Variants in CAST observed in about 807,000 individuals in gnomAD.
CAST encodes the protein calpastatin.
A neutral mutation model predicts 119.6 loss-of-function variants in CAST; 76 were observed. The ratio of observed to expected loss-of-function variants is 0.64; its 90% CI spans 0.53 to 0.77. The LOEUF (loss-of-function observed/expected upper bound fraction) is 0.77. Among genes scored for constraint, CAST ranks in the 30% least tolerant of loss-of-function variants. CAST has a pLI of 0.00. For synonymous variants in CAST, 319 were observed against 331.6 expected, an observed-to-expected ratio of 0.96 and a Z score of 0.41; for missense variants, 953 against 946.5, an observed-to-expected ratio of 1.01 and a Z score of -0.09.
chr5:96,183,579 A>AT, the CAST span, among the ~76,000 whole-genome samples: 19 of 151,614 alleles, frequency 1.3e-4, no homozygotes, highest in Admixed American at 7.9e-4. Context: ...ATTATCTTTG[A>AT]TTTTTTTTTC....
At position 96,554,534 on chromosome 5, in the gene CAST, CA is replaced by C. The variant is rs1746195833; in HGVS notation, c.60+24658del. Among the ~76,000 whole-genome samples, 4 of 152,272 alleles carry C rather than the reference CA, an allele frequency of 2.6e-5. No individual in the cohort carries two copies. In the South Asian group the frequency reaches 8.3e-4, roughly 32 times the overall value. ...TCTAAAACACCAAAAGCAATGACAACAAAAGCCAAAATTGACAAATTGGATC... is the reference window on the plus strand; with the variant it reads ...TCTAAAACACCAAAAGCAATGACAACAAAGCCAAAATTGACAAATTGGATC... On this transcript the variant is annotated intron_variant, in intron 1 of 11. Transcript: ENST00000505143.
the CAST span, among the ~76,000 whole-genome samples, chr5:96,339,218 A>G: frequency 1.3e-5 from 2 of 152,200 alleles, no homozygotes; most frequent in African/African-American, 4.8e-5. Flanking sequence ...GCTTTTGATA[A>G]CATGCTACCA....
At chr5:96,529,776 G>A, upstream of CAST, 1 of 436,774 alleles carries the variant, frequency 2.3e-6, no homozygotes, top group Non-Finnish European at 4.6e-6. Context: ...TTTTATGAGG[G>A]GCTTCCCCTT....
At chr5:96,539,163 C>T (rs1370613291) in intron 1 of CAST, among the ~76,000 whole-genome samples, 2 of 152,136 alleles carry the variant, frequency 1.3e-5, no homozygotes, top group Non-Finnish European at 2.9e-5. Flanking sequence ...GCAGAACTGA[C>T]TCATAGTGTT....
Position 96,737,699 on chromosome 5 carries a change from A to G in CAST, c.700-150A>G, listed in dbSNP as rs1248106189. 4 of 525,324 alleles carry G rather than the reference A, an allele frequency of 7.6e-6. No homozygotes were observed. The Admixed American group carries it at 1.4e-4, about 18-fold the overall frequency. 32.5% of individuals were successfully genotyped at this position (525,324 alleles called of 1,614,324 possible). On this transcript the variant is annotated intron_variant, in intron 10 of 31. Coordinates refer to ENST00000675179, the MANE Select transcript of CAST (RefSeq NM_001750.7). Reference sequence around the variant, plus strand: ...TGAGACTTAAATAGTAAAGTCTGTTAAAGACCAGATTTTAACTATTTTGGG... The same window carrying G: ...TGAGACTTAAATAGTAAAGTCTGTTGAAGACCAGATTTTAACTATTTTGGG...
the CAST span, among the ~76,000 whole-genome samples, chr5:96,366,845 A>G: frequency 0.068 from 10,286 of 152,284 alleles, 441 homozygotes; most frequent in Non-Finnish European, 0.099. Context: ...GTCATTCTCC[A>G]TCCAGCTTTG....
At chr5:96,454,143 T>C in the CAST span, among the ~76,000 whole-genome samples, 1 of 152,198 alleles carries the variant, frequency 6.6e-6, no homozygotes, top group African/African-American at 2.4e-5. Context: ...TTGTAGCCTA[T>C]CTATGTGTTG....
chr5:96,766,111 C>T lies in CAST; in HGVS notation c.2096C>T (p.Pro699Leu). The change falls in exon 27 of 32, where the codon CCT becomes CTT. Residue 699 changes from proline to leucine, a missense_variant. Pro to Leu is a moderately conservative substitution (Grantham distance 98). Transcript: ENST00000675179. ...GGAGAAAGAGATGACACTATCCCAC[C>T]TGAATACAGACATCTCCTGGATGAT... ...KLGERDDTIP[P>L]EYRHLLDDNG... 6.2e-7 allele frequency: 1 copy of T among 1,610,870 alleles called. No individual in the cohort carries two copies. Among genetic ancestry groups the T allele is most frequent in the East Asian group, 2.2e-5 (1 of 44,778 alleles).
chr5:96,675,341 C>T (rs900896053), intron 1 of CAST, among the ~76,000 whole-genome samples, 198 bp from the exon 2 acceptor site: 1 of 152,156 alleles, frequency 6.6e-6, no homozygotes, highest in Non-Finnish European at 1.5e-5. Flanking sequence ...GACTGACCTT[C>T]TAGATTCCAA....
intron 1 of CAST, among the ~76,000 whole-genome samples, chr5:96,591,603 C>A (rs908934116): frequency 3.3e-5 from 5 of 152,116 alleles, no homozygotes; most frequent in Non-Finnish European, 7.3e-5. Flanking sequence ...GTTTACAGAA[C>A]AAGAACAATG....
At chr5:96,253,836 A>T in the CAST span, among the ~76,000 whole-genome samples, 10 of 152,118 alleles carry the variant, frequency 6.6e-5, no homozygotes, top group African/African-American at 2.2e-4. Flanking sequence ...AAGAGATATG[A>T]TGTAGCATAT....
the CAST span, among the ~76,000 whole-genome samples, chr5:96,496,340 G>A: frequency 6.6e-6 from 1 of 152,172 alleles, no homozygotes. Flanking sequence ...CACAGGGGTA[G>A]TTGGAAAAAC....
At chr5:96,017,966 T>C in the CAST span, among the ~76,000 whole-genome samples, 2 of 152,160 alleles carry the variant, frequency 1.3e-5, no homozygotes, top group Non-Finnish European at 1.5e-5. Context: ...CTGACACCAA[T>C]ATAAAAGCCC....
rs1026312054 is a variant in CAST at position 96,755,808 on chromosome 5, G to C, written c.1710+1067G>C. On this transcript the variant is annotated intron_variant, in intron 22 of 31. Coordinates refer to ENST00000675179, the MANE Select transcript of CAST (RefSeq NM_001750.7). ...GTTTTACAATTCAGTTGCAGCCATA[G>C]CGTTTCTATTAATTTGGGCTCATTT... 3.3e-5 allele frequency among the ~76,000 whole-genome samples: 5 copies of C among 152,180 alleles called. No homozygotes were observed. The East Asian group carries it at 9.6e-4, about 29-fold the overall frequency.
At chr5:96,198,766 G>C in the CAST span, among the ~76,000 whole-genome samples, 1 of 152,090 alleles carries the variant, frequency 6.6e-6, no homozygotes, top group Non-Finnish European at 1.5e-5. Flanking sequence ...GTGGAGTGAG[G>C]GTGTTTGACA....
At chr5:96,517,143 CT>C in the CAST span, among the ~76,000 whole-genome samples, 403 of 146,252 alleles carry the variant, frequency 2.8e-3, 2 homozygotes, top group Middle Eastern at 7.2e-3. Flanking sequence ...TTCTACACAT[CT>C]TTTTTTTTTT....
intron 1 of CAST, 37 bp from the exon 2 acceptor site, chr5:96,675,502 C>T (rs750749746): frequency 6.9e-7 from 1 of 1,457,568 alleles, no homozygotes; most frequent in South Asian, 1.1e-5. Flanking sequence ...TCTGTGTCAT[C>T]TTCCTTTATT....
chr5:96,679,819 T>G (rs144657959), intron 2 of CAST, among the ~76,000 whole-genome samples: 58 of 152,314 alleles, frequency 3.8e-4, no homozygotes, highest in African/African-American at 1.2e-3. Flanking sequence ...CTTTTTTCTT[T>G]TAATAAAGTT....
At chr5:96,525,976 G>C (rs116538924), upstream of CAST, among the ~76,000 whole-genome samples, 424 of 152,246 alleles carry the variant, frequency 2.8e-3, 5 homozygotes, top group African/African-American at 9.9e-3. Flanking sequence ...GGTGGCAATT[G>C]ATCCCCCTGA....
Sources: gnomAD v4.1 joint callset for allele counts (sites outside exome capture counted in the v4.1 genomes callset) on GRCh38, gnomAD v4.1.1 for gene constraint, MANE v1.5 for transcripts, NCBI Gene and HGNC (gene_info 2026-07-23, HGNC 2026-07-21) for gene names.